Variants in SLC44A5 observed in about 807,000 individuals in gnomAD.
SLC44A5 encodes the protein solute carrier family 44 member 5, also known as choline transporter-like protein 5.
In SLC44A5, 57 loss-of-function variants were observed where a neutral mutation model predicts 101.8. That is an observed-to-expected ratio of 0.56 (90% CI 0.45 to 0.70). The LOEUF (loss-of-function observed/expected upper bound fraction) is 0.70, where lower values mean the gene tolerates loss of function less well. Ranked by LOEUF, SLC44A5 falls within the 30% of genes least tolerant of loss-of-function variation. The pLI, the probability that SLC44A5 is intolerant of heterozygous loss-of-function variation, is 0.00. For synonymous variants in SLC44A5, 281 were observed against 290.9 expected (o/e 0.97, Z 0.35); for missense variants, 737 against 853.1 (o/e 0.86, Z 1.70).
At chr1:75,718,160 G>A in the SLC44A5 span, among the ~76,000 whole-genome samples, 11 of 152,200 alleles carry the variant, frequency 7.2e-5, no homozygotes, top group African/African-American at 2.7e-4. Context: ...CATTGTATCT[G>A]ACCAGAGCAT....
At chr1:75,678,356 G>A in the SLC44A5 span, among the ~76,000 whole-genome samples, 4 of 152,158 alleles carry the variant, frequency 2.6e-5, no homozygotes, top group African/African-American at 9.7e-5. Flanking sequence ...AGACTTAAAT[G>A]TCCCTGTCTG....
chr1:75,345,213 G>A (rs1340344072), intron 3 of SLC44A5, among the ~76,000 whole-genome samples: 1 of 152,042 alleles, frequency 6.6e-6, no homozygotes, highest in Non-Finnish European at 1.5e-5. Flanking sequence ...CACTAATTCA[G>A]TATCTGATTG....
At chr1:75,698,323 C>G in the SLC44A5 span, among the ~76,000 whole-genome samples, 403 of 152,300 alleles carry the variant, frequency 2.6e-3, 1 homozygote, top group Non-Finnish European at 4.8e-3. Context: ...GACAGACTGC[C>G]TCCTCAAGTG....
chr1:75,308,529 C>A (rs184969251), intron 4 of SLC44A5, among the ~76,000 whole-genome samples: 1 of 152,056 alleles, frequency 6.6e-6, no homozygotes, highest in Admixed American at 6.5e-5. Context: ...ATTCAGTAAT[C>A]TGTCAGTAGG....
At chr1:75,318,309 C>T (rs193233668) in intron 4 of SLC44A5, among the ~76,000 whole-genome samples, 1 of 151,082 alleles carries the variant, frequency 6.6e-6, no homozygotes, top group South Asian at 2.1e-4. Flanking sequence ...TTGAAGCGTT[C>T]GAGGCTACAG....
At chr1:75,577,027 C>A (rs573413244) in intron 1 of SLC44A5, among the ~76,000 whole-genome samples, 1 of 152,182 alleles carries the variant, frequency 6.6e-6, no homozygotes, top group Admixed American at 6.5e-5. Flanking sequence ...CTTCCCAATG[C>A]TTTTCCCATG....
At chr1:75,572,310 A>G (rs1673116392) in intron 1 of SLC44A5, among the ~76,000 whole-genome samples, 1 of 152,182 alleles carries the variant, frequency 6.6e-6, no homozygotes, top group Admixed American at 6.5e-5. Context: ...TCAGAGGAAA[A>G]AAGGAACTGA....
chr1:75,338,282 C>T (rs942262410), intron 4 of SLC44A5, among the ~76,000 whole-genome samples: 1 of 152,118 alleles, frequency 6.6e-6, no homozygotes, highest in Non-Finnish European at 1.5e-5. Context: ...TACACGGTTC[C>T]GTCATTAAAT....
chr1:75,612,821 G>T (rs953837992), upstream of SLC44A5, among the ~76,000 whole-genome samples: 91 of 152,098 alleles, frequency 6.0e-4, no homozygotes, highest in African/African-American at 2.1e-3. Flanking sequence ...AAAAGGCAGG[G>T]GTGGGGGTGG....
At chr1:75,720,158 C>T in the SLC44A5 span, among the ~76,000 whole-genome samples, 1 of 152,156 alleles carries the variant, frequency 6.6e-6, no homozygotes, top group East Asian at 1.9e-4. Context: ...GGTATACAAC[C>T]CCTGGGTCTG....
chr1:75,242,392 T>C (rs1648713773), intron 8 of SLC44A5, among the ~76,000 whole-genome samples: 1 of 151,990 alleles, frequency 6.6e-6, no homozygotes, highest in Admixed American at 6.6e-5. Context: ...CAACATCTTC[T>C]CTAATTTAGA....
the SLC44A5 span, among the ~76,000 whole-genome samples, chr1:75,701,501 G>A: frequency 2.0e-5 from 3 of 152,028 alleles, no homozygotes; most frequent in African/African-American, 4.8e-5. Context: ...TTGATGGGAT[G>A]TATCTCAAAA....
At chr1:75,430,995 C>A (rs1332059675) in intron 2 of SLC44A5, among the ~76,000 whole-genome samples, 1 of 152,086 alleles carries the variant, frequency 6.6e-6, no homozygotes, top group Non-Finnish European at 1.5e-5. Flanking sequence ...ATGGACACTA[C>A]AATAAAGCGA....
the SLC44A5 span, among the ~76,000 whole-genome samples, chr1:75,693,217 C>T: frequency 6.6e-6 from 1 of 152,114 alleles, no homozygotes; most frequent in Non-Finnish European, 1.5e-5. Context: ...TCTGGCTGTG[C>T]CATGTGAATT....
chr1:75,340,780 A>G (rs539397013), intron 3 of SLC44A5, among the ~76,000 whole-genome samples: 13 of 152,364 alleles, frequency 8.5e-5, no homozygotes, highest in Admixed American at 8.5e-4. Context: ...AGAATGGACA[A>G]CGAGTTATTC....
chr1:75,658,833 A>G, the SLC44A5 span, among the ~76,000 whole-genome samples: 1 of 152,088 alleles, frequency 6.6e-6, no homozygotes, highest in Non-Finnish European at 1.5e-5. Flanking sequence ...TCAGAAAAGG[A>G]AAATTTGGTT....
intron 1 of SLC44A5, among the ~76,000 whole-genome samples, chr1:75,550,135 A>G (rs941985840): frequency 4.6e-5 from 7 of 152,144 alleles, no homozygotes; most frequent in African/African-American, 1.2e-4. Context: ...AACATTTTTC[A>G]TAAGAACCAA....
At chr1:75,669,204 T>A in the SLC44A5 span, among the ~76,000 whole-genome samples, 1 of 151,638 alleles carries the variant, frequency 6.6e-6, no homozygotes, top group Admixed American at 6.5e-5. Flanking sequence ...ATAAAAAAAA[T>A]TCTGCCAATC....
intron 23 of SLC44A5, among the ~76,000 whole-genome samples, chr1:75,208,898 T>C (rs1246077004): frequency 6.6e-6 from 1 of 152,166 alleles, no homozygotes; most frequent in African/African-American, 2.4e-5. Flanking sequence ...ACAAATGGTT[T>C]GCATTGTAAA....
Sources: allele counts gnomAD v4.1 joint callset (sites outside exome capture counted in the v4.1 genomes callset), GRCh38; gene constraint gnomAD v4.1.1; transcripts MANE v1.5; gene names NCBI Gene and HGNC (gene_info 2026-07-23, HGNC 2026-07-21).